PAPPA2: variants seen among roughly 807,000 people sequenced by gnomAD.
PAPPA2 encodes pappalysin-2.
Under a neutral mutation model 176.4 loss-of-function variants are expected in PAPPA2, and 86 were observed. That is an observed-to-expected ratio of 0.49 (90% CI 0.41 to 0.58). The LOEUF (loss-of-function observed/expected upper bound fraction) is 0.58. Among genes scored for constraint, PAPPA2 ranks in the 20% least tolerant of loss-of-function variants. The probability of loss-of-function intolerance (pLI) is 0.00; values close to 1 mark genes in which losing one functional copy is unlikely to be tolerated. For synonymous variants in PAPPA2, 809 were observed against 852.2 expected, an observed-to-expected ratio of 0.95 and a Z score of 0.88; for missense variants, 2,073 against 2,256.9, an observed-to-expected ratio of 0.92 and a Z score of 1.65.
chr1:176,735,745 ATCTG>A (rs1169319869), intron 12 of PAPPA2, among the ~76,000 whole-genome samples: 11 of 149,878 alleles, frequency 7.3e-5, no homozygotes, highest in Non-Finnish European at 1.0e-4. Context: ...TCTATCATCT[ATCTG>A]TCTGTCTATC....
At chr1:176,641,292 A>G (rs1402043564) in intron 3 of PAPPA2, among the ~76,000 whole-genome samples, 2 of 152,092 alleles carry the variant, frequency 1.3e-5, no homozygotes, top group East Asian at 1.9e-4. Flanking sequence ...GGTATTGCCT[A>G]GGTTTTCTTC....
At position 176,671,028 on chromosome 1, in the gene PAPPA2, C is replaced by T; in HGVS notation, c.2050C>T (p.Leu684Phe). The stretch of plus-strand genomic sequence containing the variant: ...CCTGCAGCTGAACAGTACTCACTTC[C>T]TCAACATCTACTTTGCCAGCTCAGT... ...EALQLNSTHF[L>F]NIYFASSVRE... Residue 684 changes from leucine to phenylalanine, a missense_variant, in exon 4 of 23, where the codon CTC becomes TTC. Leu to Phe is a conservative substitution (Grantham distance 22). Transcript: ENST00000367662. The T allele has an allele frequency of 4.3e-6, 7 of 1,613,986 alleles. No individual in the cohort carries two copies. Among genetic ancestry groups the T allele is most frequent in the Non-Finnish European group, 5.9e-6 (7 of 1,179,900 alleles).
At chr1:176,505,232 C>T (rs1648190746) in intron 1 of PAPPA2, among the ~76,000 whole-genome samples, 1 of 152,060 alleles carries the variant, frequency 6.6e-6, no homozygotes, top group Admixed American at 6.6e-5. Context: ...ATTCTTTCAA[C>T]CCTTCCAAGG....
intron 1 of PAPPA2, among the ~76,000 whole-genome samples, chr1:176,473,354 T>G (rs1651971408): frequency 6.6e-6 from 1 of 152,202 alleles, no homozygotes; most frequent in South Asian, 2.1e-4. Context: ...ATGTCTTTTA[T>G]GGCTTGGTAT....
intron 10 of PAPPA2, 118 bp downstream of exon 10, chr1:176,706,568 TC>T: frequency 1.3e-6 from 1 of 794,340 alleles, no homozygotes; most frequent in Non-Finnish European, 2.0e-6. Context: ...CTCTGATGTG[TC>T]CCTTGTATGC....
At chr1:176,740,282 G>A (rs1662619225) in intron 14 of PAPPA2, 86 bp downstream of exon 14, 1 of 1,309,168 alleles carries the variant, frequency 7.6e-7, no homozygotes. Context: ...TGTATAGAGT[G>A]TTTGCTCAAT....
chr1:176,647,241 A>G (rs1657447494), intron 3 of PAPPA2, among the ~76,000 whole-genome samples: 1 of 150,986 alleles, frequency 6.6e-6, no homozygotes. Context: ...TGTTTTGTCC[A>G]TTTTCTAGTT....
chr1:176,784,365 A>G (rs1178024924), intron 17 of PAPPA2, among the ~76,000 whole-genome samples: 2 of 152,222 alleles, frequency 1.3e-5, no homozygotes, highest in African/African-American at 2.4e-5. Context: ...AAAGGTGTCA[A>G]AGGTCACTCC....
At position 176,800,137 on chromosome 1, in the gene PAPPA2, G is replaced by C; in HGVS notation, c.5202+5G>C. The C allele has an allele frequency of 6.2e-7, 1 of 1,613,914 alleles. No homozygotes were observed. ...CACTGCATCCAGTCATGTGAGGTAA[G>C]ATAGCCTCCCCTTCCCCAACTCAGA... On this transcript the variant is annotated splice_donor_5th_base_variant and intron_variant, in intron 21 of 22. Transcript: ENST00000367662.
chr1:176,807,889 C>G (rs1159890451), intron 21 of PAPPA2, among the ~76,000 whole-genome samples: 1 of 152,164 alleles, frequency 6.6e-6, no homozygotes, highest in East Asian at 1.9e-4. Flanking sequence ...TATACTGATG[C>G]CGTGTTCTGT....
intron 1 of PAPPA2, among the ~76,000 whole-genome samples, chr1:176,470,161 A>G (rs1406625544): frequency 1.3e-5 from 2 of 152,204 alleles, no homozygotes; most frequent in East Asian, 1.9e-4. Context: ...ATCTCCAAGC[A>G]AGAAGGTTCA....
Position 176,767,245 on chromosome 1 carries a change from T to C in PAPPA2, c.4323+1408T>C, listed in dbSNP as rs193048891. ...GAAGGGGAGAGAAGAAAAGACAACA[T>C]GTATAATGCATTAAAATTAGAAGCA... On this transcript the variant is annotated intron_variant, in intron 15 of 22. Transcript: ENST00000367662. 3.7e-3 allele frequency among the ~76,000 whole-genome samples: 571 copies of C among 152,324 alleles called. 6 individuals carry two copies. Among genetic ancestry groups the C allele is most frequent in the Middle Eastern group, 0.031 (9 of 294 alleles).
chr1:176,811,585 A>G (rs1666151313), intron 21 of PAPPA2, among the ~76,000 whole-genome samples: 1 of 152,086 alleles, frequency 6.6e-6, no homozygotes, highest in Non-Finnish European at 1.5e-5. Flanking sequence ...GTCCTTACAA[A>G]TCTAAATCTA....
chr1:176,765,775 A>G lies in PAPPA2; in HGVS notation c.4261A>G (p.Ile1421Val), dbSNP rs1387328754. Residue 1421 changes from isoleucine (I) to valine (V), a missense_variant, in exon 15 of 23, where the codon ATC becomes GTC. This residue lies in a region of PAPPA2 where 846 missense variants were observed against 857.9 expected (regional missense o/e 0.99). Coordinates refer to ENST00000367662, the MANE Select transcript of PAPPA2 (RefSeq NM_020318.3). ...AGGCCCAGGTCTCATGAAGTGTGCT[A>G]TCACTTGTCAAAGGGGATTTGCCCT... ...SIGPGLMKCA[I>V]TCQRGFALQA... 6 of 1,614,016 alleles carry G rather than the reference A, an allele frequency of 3.7e-6. No homozygotes were observed. In the Admixed American group the frequency reaches 6.7e-5, roughly 18 times the overall value.
At chr1:176,504,547 G>A (rs1648145060) in intron 1 of PAPPA2, among the ~76,000 whole-genome samples, 1 of 152,116 alleles carries the variant, frequency 6.6e-6, no homozygotes, top group African/African-American at 2.4e-5. Flanking sequence ...AGCACAGACT[G>A]TGTTCAGGAT....
Position 176,842,717 on chromosome 1 carries a change from A to G in PAPPA2, c.*263A>G, listed in dbSNP as rs1386896361. 2.2e-6 allele frequency: 1 copy of G among 461,536 alleles called. No individual in the cohort carries two copies. Among genetic ancestry groups the G allele is most frequent in the Non-Finnish European group, 3.9e-6 (1 of 254,708 alleles). 28.6% of individuals were successfully genotyped at this position (461,536 alleles called of 1,614,324 possible). A position where few individuals can be genotyped will look rare whatever the true frequency, so the allele number is the denominator to read the frequency against. On this transcript the variant is annotated 3_prime_UTR_variant, in exon 23 of 23. Transcript: ENST00000367662. Reference sequence around the variant, plus strand: ...ATGGAAGGGGAAATATGATAGATATATAAGGACCCTCCTCCCTCACTTATA... The same window carrying G: ...ATGGAAGGGGAAATATGATAGATATGTAAGGACCCTCCTCCCTCACTTATA...
chr1:176,479,593 AT>A (rs1352746432), intron 1 of PAPPA2, among the ~76,000 whole-genome samples: 2 of 152,106 alleles, frequency 1.3e-5, no homozygotes, highest in Non-Finnish European at 2.9e-5. Flanking sequence ...TCTTGTAGGT[AT>A]TTGCTGGGTA....
chr1:176,618,876 T>C (rs1335960115), intron 3 of PAPPA2, among the ~76,000 whole-genome samples: 1 of 152,130 alleles, frequency 6.6e-6, no homozygotes, highest in Non-Finnish European at 1.5e-5. Flanking sequence ...GGGCATAAAT[T>C]ATAACTAGAA....
chr1:176,622,976 C>T (rs1428554669), intron 3 of PAPPA2, among the ~76,000 whole-genome samples: 2 of 152,180 alleles, frequency 1.3e-5, no homozygotes, highest in Admixed American at 6.5e-5. Context: ...AGGGGAAAGA[C>T]ATCCTTTGAG....
Sources: allele counts gnomAD v4.1 joint callset (sites outside exome capture counted in the v4.1 genomes callset), GRCh38; gene constraint gnomAD v4.1.1; regional missense constraint gnomAD v4.1.1; transcripts MANE v1.5; gene names NCBI Gene and HGNC (gene_info 2026-07-23, HGNC 2026-07-21).